Variants in ELF1 observed in about 807,000 individuals in gnomAD.
ELF1 encodes the protein E74 like ETS transcription factor 1.
In ELF1, 24 loss-of-function variants were observed where a neutral mutation model predicts 59.9. That is an observed-to-expected ratio of 0.40 (90% CI 0.29 to 0.56). The LOEUF (loss-of-function observed/expected upper bound fraction) is 0.56. Among genes scored for constraint, ELF1 ranks in the 20% least tolerant of loss-of-function variants. The pLI, the probability that ELF1 is intolerant of heterozygous loss-of-function variation, is 0.44. For synonymous variants in ELF1, 248 were observed against 266.2 expected (o/e 0.93, Z 0.67); for missense variants, 627 against 742.2 (o/e 0.84, Z 1.80).
chr13:40,933,209 A>G lies in ELF1; in HGVS notation c.*216T>C, dbSNP rs1178760193. ...TCAAAAGAATGTCTTCATAGTGTAA[A>G]ATGCCTGTTCCTTCACGATTGAATT... On this transcript the variant is annotated 3_prime_UTR_variant, in exon 9 of 9. Transcript: ENST00000239882. The G allele has an allele frequency of 1.8e-6, 1 of 559,664 alleles. No homozygotes were observed. Among genetic ancestry groups the G allele is most frequent in the Admixed American group, 3.7e-5 (1 of 27,126 alleles). 34.7% of individuals were successfully genotyped at this position (559,664 alleles called of 1,614,324 possible).
At chr13:40,950,819 A>T (rs1870802490) in intron 4 of ELF1, among the ~76,000 whole-genome samples, 1 of 152,276 alleles carries the variant, frequency 6.6e-6, no homozygotes, top group African/African-American at 2.4e-5. Context: ...TGCTGTGAAT[A>T]TAGCAAATAT....
chr13:41,056,019 C>T lies in ELF1; in HGVS notation c.-229+4819G>A, dbSNP rs146848104. On this transcript the variant is annotated intron_variant, in intron 1 of 1. Coordinates refer to the ELF1 transcript ENST00000405737. ...TTTTAAGAGTTTAGTCGAGATAAAA[C>T]TTACATATCATGAAGTTTATCTATT... 5.3e-5 allele frequency among the ~76,000 whole-genome samples: 8 copies of T among 152,280 alleles called. No individual in the cohort carries two copies. The East Asian group carries it at 1.5e-3, about 29-fold the overall frequency.
intron 2 of ELF1, among the ~76,000 whole-genome samples, chr13:40,974,995 C>G (rs1187040543): frequency 6.6e-6 from 1 of 152,174 alleles, no homozygotes; most frequent in Non-Finnish European, 1.5e-5. Flanking sequence ...AATAAACAAG[C>G]AACCTCTGTA....
chr13:41,042,712 T>C (rs1305769440), intron 1 of ELF1, among the ~76,000 whole-genome samples: 3 of 152,228 alleles, frequency 2.0e-5, no homozygotes, highest in Non-Finnish European at 2.9e-5. Flanking sequence ...CTATCATTGA[T>C]GGACATTTGG....
At chr13:41,024,308 TG>T (rs1875798363), upstream of ELF1, among the ~76,000 whole-genome samples, 1 of 151,780 alleles carries the variant, frequency 6.6e-6, no homozygotes, top group Non-Finnish European at 1.5e-5. Flanking sequence ...TTTGTTTGTT[TG>T]TTTTGGGGGG....
exon 1 of ELF1, chr13:41,061,317 A>G: frequency 2.6e-6 from 1 of 392,004 alleles, no homozygotes; most frequent in South Asian, 2.9e-5. Flanking sequence ...GGACACAGAG[A>G]CGGCGGGATG....
rs550899778 is a variant in ELF1, at chr13:41,058,739, G to T, written c.-229+2099C>A. Among the ~76,000 whole-genome samples, 6 of 152,332 alleles carry T rather than the reference G, an allele frequency of 3.9e-5. No individual in the cohort carries two copies. The South Asian group carries it at 1.2e-3, about 32-fold the overall frequency. Reference sequence around the variant, plus strand: ...TGTAATCCTAGCACTTTGGGAGGCCGAGGTGGGTGGATCACCTGAGGTCAG... The same window carrying T: ...TGTAATCCTAGCACTTTGGGAGGCCTAGGTGGGTGGATCACCTGAGGTCAG... On this transcript the variant is annotated intron_variant, in intron 1 of 1. Coordinates refer to the ELF1 transcript ENST00000405737.
intron 2 of ELF1, among the ~76,000 whole-genome samples, chr13:40,980,758 C>T (rs1873211619): frequency 1.3e-5 from 2 of 152,236 alleles, no homozygotes; most frequent in South Asian, 4.1e-4. Flanking sequence ...CCTTAATATA[C>T]ACACAAACAT....
intron 1 of ELF1, chr13:41,060,764 C>A (rs546053858): frequency 1.2e-5 from 2 of 167,668 alleles, no homozygotes; most frequent in East Asian, 2.2e-4. Flanking sequence ...CGAACCCGGG[C>A]CACCTGGGTG....
chr13:40,974,012 AG>A (rs1481328109), intron 2 of ELF1, among the ~76,000 whole-genome samples: 1 of 152,208 alleles, frequency 6.6e-6, no homozygotes, highest in Non-Finnish European at 1.5e-5. Flanking sequence ...CCCAGGAGCT[AG>A]GAAGAGTGGG....
chr13:40,989,544 AT>A (rs1333420999), intron 1 of ELF1, among the ~76,000 whole-genome samples: 5 of 152,114 alleles, frequency 3.3e-5, no homozygotes, highest in African/African-American at 1.2e-4. Context: ...GCATTCTTTT[AT>A]TTTTTAATTA....
rs780618584 is a variant in ELF1, at chr13:40,943,917, T to G, written c.538A>C (p.Thr180Pro). The G allele has an allele frequency of 6.2e-7, 1 of 1,613,548 alleles. No homozygotes were observed. ...EQPKRKKGRK[T>P]KPPRPDSPAT... ...GGGGAATCTGGTCGTGGTGGTTTAG[T>G]TTTTCTTCCTGAAATAAAAACAGCT... Residue 180 changes from threonine to proline, a missense_variant, in exon 6 of 9, where the codon ACT becomes CCT. Thr to Pro is a conservative substitution (Grantham distance 38, BLOSUM62 -1). Coordinates refer to ENST00000239882, the MANE Select transcript of ELF1 (RefSeq NM_172373.4).
intron 5 of ELF1, among the ~76,000 whole-genome samples, chr13:40,944,341 TAGG>T (rs1371634668): frequency 6.6e-6 from 1 of 152,190 alleles, no homozygotes; most frequent in Non-Finnish European, 1.5e-5. Flanking sequence ...CTTTTTAAGG[TAGG>T]AGAAGTGGAT....
At position 41,033,772 on chromosome 13, in the gene ELF1, G is replaced by T. The variant is rs369005686; in HGVS notation, c.-229+27066C>A. On this transcript the variant is annotated intron_variant, in intron 1 of 1. Transcript: ENST00000405737. ...CTTCTGTGGAAAAATTGTGTTCCAT[G>T]AAACTGGTCACTGGTGCCAAAAAGG... Among the ~76,000 whole-genome samples the T allele has an allele frequency of 8.0e-4, 122 of 152,318 alleles. 4 individuals carry two copies. The South Asian group carries it at 0.023, about 29-fold the overall frequency.
intron 1 of ELF1, chr13:40,992,868 G>T: frequency 1.7e-6 from 1 of 577,054 alleles, no homozygotes; most frequent in Non-Finnish European, 3.1e-6. Context: ...TCTCTAGCTC[G>T]AGAATCAAGA....
intron 1 of ELF1, among the ~76,000 whole-genome samples, chr13:40,985,631 C>G (rs1031930521): frequency 6.6e-6 from 1 of 152,176 alleles, no homozygotes; most frequent in African/African-American, 2.4e-5. Flanking sequence ...AACTATAAGA[C>G]AAGTCTACAT....
intron 1 of ELF1, among the ~76,000 whole-genome samples, chr13:41,025,753 C>A (rs555760449): frequency 3.5e-4 from 53 of 152,292 alleles, no homozygotes; most frequent in Non-Finnish European, 6.9e-4. Context: ...TCGGCCTGTG[C>A]AGAAGACAGA....
At chr13:41,023,079 C>A (rs1298244336), upstream of ELF1, among the ~76,000 whole-genome samples, 1 of 152,100 alleles carries the variant, frequency 6.6e-6, no homozygotes. Context: ...TTCATGGCTG[C>A]TCATGGAATT....
At chr13:40,953,823 G>A (rs1361731576) in intron 3 of ELF1, among the ~76,000 whole-genome samples, 1 of 152,224 alleles carries the variant, frequency 6.6e-6, no homozygotes, top group Non-Finnish European at 1.5e-5. Context: ...GGATGGAAGA[G>A]TTAAACAAAG....
Sources: gnomAD v4.1 joint callset for allele counts (sites outside exome capture counted in the v4.1 genomes callset) on GRCh38, gnomAD v4.1.1 for gene constraint, MANE v1.5 for transcripts, NCBI Gene and HGNC (gene_info 2026-07-23, HGNC 2026-07-21) for gene names.